Variants in TCHP observed in about 807,000 individuals in gnomAD.
TCHP encodes the protein trichoplein keratin filament-binding protein.
A neutral mutation model predicts 88.7 loss-of-function variants in TCHP; 81 were observed. The ratio of observed to expected loss-of-function variants is 0.91; its 90% CI spans 0.76 to 1.10. The LOEUF (loss-of-function observed/expected upper bound fraction) is 1.10, where lower values mean the gene tolerates loss of function less well. Ranked by LOEUF, TCHP falls within the 50% of genes least tolerant of loss-of-function variation. TCHP has a pLI of 0.00. For synonymous variants in TCHP, 232 were observed against 232.5 expected (o/e 1.00, Z 0.02); for missense variants, 641 against 632.1 (o/e 1.01, Z -0.15).
In TCHP at chr12:109,903,159, G is replaced by A. The variant is rs1020749391; in HGVS notation, c.133G>A (p.Asp45Asn). The part of the protein sequence containing the change: ...EQNSRYFRMS[D>N]ICSSKQAEWS... ...GAACAGCCGTTACTTCAGGATGTCT[G>A]ACATCTGCAGCTCCAAACAGGCAGA... The change falls in exon 2 of 13, where the codon GAC (aspartate) becomes AAC (asparagine). Residue 45 changes from aspartate to asparagine, a missense_variant. By Grantham distance (23) the Asp-to-Asn change is conservative. Coordinates refer to ENST00000405876, the MANE Select transcript of TCHP (RefSeq NM_001143852.2). The surrounding 1 kb of genome is among the most constrained non-coding windows in gnomAD (Gnocchi z 4.6). The A allele has an allele frequency of 4.3e-6, 7 of 1,613,854 alleles. No homozygotes were observed. In the African/African-American group the frequency reaches 8.0e-5, roughly 18 times the overall value.
chr12:109,904,682 T>C (rs1379388966), intron 3 of TCHP, 55 bp from the exon 4 acceptor site: 14 of 1,558,514 alleles, frequency 9.0e-6, no homozygotes, highest in East Asian at 6.7e-5. Context: ...TCATCCAAAA[T>C]GTGAATGGAT....
At position 109,914,566 on chromosome 12, in the gene TCHP, G is replaced by C; in HGVS notation, c.1259G>C (p.Arg420Pro). 6.2e-7 allele frequency: 1 copy of C among 1,613,790 alleles called. No individual in the cohort carries two copies. The highest frequency in any genetic ancestry group is 8.5e-7 in the Non-Finnish European group (1 of 1,179,988). Residue 420 changes from arginine (R) to proline (P), a missense_variant, in exon 11 of 13, where the codon CGT becomes CCT. Physicochemically the swap from Arg to Pro is moderately radical, Grantham distance 103 (BLOSUM62 -2). Transcript: ENST00000405876. ...CTTGAGGAGGTGAGAGAGTTGGCTC[G>C]TCGCGAGAAAGAGGAGAGTGAAAAG... is the stretch of plus-strand genomic sequence containing the variant. The part of the protein sequence containing the change: ...RNLEEVRELA[R>P]REKEESEKLK...
chr12:109,899,428 A>T (rs1490524176), upstream of TCHP, among the ~76,000 whole-genome samples: 1 of 152,140 alleles, frequency 6.6e-6, no homozygotes, highest in Non-Finnish European at 1.5e-5. Flanking sequence ...TCACGAGGTC[A>T]GGAGATCGAG....
the TCHP span, among the ~76,000 whole-genome samples, chr12:109,892,490 G>A: frequency 6.6e-6 from 1 of 152,180 alleles, no homozygotes; most frequent in East Asian, 1.9e-4. Context: ...AGGGAAATGG[G>A]GAGCCATGGA....
chr12:109,887,361 G>T, the TCHP span, among the ~76,000 whole-genome samples: 1 of 148,074 alleles, frequency 6.8e-6, no homozygotes, highest in African/African-American at 2.6e-5. Context: ...GGCAGAGGTT[G>T]CAGTGAGCCG....
chr12:109,912,920 T>A, intron 9 of TCHP, 71 bp from the exon 10 acceptor site: 2 of 1,318,658 alleles, frequency 1.5e-6, no homozygotes, highest in Non-Finnish European at 2.2e-6. Flanking sequence ...CCTGCAGCCC[T>A]GTCTGTTCCG....
At position 109,908,884 on chromosome 12, in the gene TCHP, C is replaced by T; in HGVS notation, c.826C>T (p.His276Tyr). ...ATTCTCCTTCAGGCGTTTCTTGAGA[C>T]ATCAGTATAACGCTCAACTCAGCAG... Reference protein sequence around the residue: ...QKAELGRFLRHQYNAQLSRRT... With the variant: ...QKAELGRFLRYQYNAQLSRRT... The change falls in exon 8 of 13, where the codon CAT (histidine) becomes TAT (tyrosine). Residue 276 changes from histidine to tyrosine, a missense_variant. Transcript: ENST00000405876. The T allele has an allele frequency of 6.2e-7, 1 of 1,614,202 alleles. No individual in the cohort carries two copies. The highest frequency in any genetic ancestry group is 1.7e-5 in the Admixed American group (1 of 60,014).
At chr12:109,912,934 C>A in intron 9 of TCHP, 57 bp from the exon 10 acceptor site, 1 of 1,499,144 alleles carries the variant, frequency 6.7e-7, no homozygotes, top group Non-Finnish European at 9.3e-7. Flanking sequence ...TGTTCCGTAG[C>A]TCGCTTCCTG....
chr12:109,904,850 C>T, intron 4 of TCHP, 57 bp downstream of exon 4: 1 of 1,528,900 alleles, frequency 6.5e-7, no homozygotes, highest in Non-Finnish European at 9.0e-7. Context: ...TGTTTCCAGA[C>T]ACTTTTTTTT....
At chr12:109,889,283 C>T in the TCHP span, among the ~76,000 whole-genome samples, 1 of 152,126 alleles carries the variant, frequency 6.6e-6, no homozygotes, top group African/African-American at 2.4e-5. Flanking sequence ...ACCATCCTGG[C>T]TAACACGGTG....
the TCHP span, among the ~76,000 whole-genome samples, chr12:109,893,212 T>A: frequency 6.6e-6 from 1 of 152,008 alleles, no homozygotes; most frequent in Non-Finnish European, 1.5e-5. Flanking sequence ...AAACATGGTC[T>A]CTACTAAAAA....
At chr12:109,900,210 G>C (rs1419788574), upstream of TCHP, 1 of 152,272 alleles carries the variant, frequency 6.6e-6, no homozygotes, top group Non-Finnish European at 1.5e-5. Flanking sequence ...TGGCCACGAC[G>C]GGGCACCAGA....
At chr12:109,883,906 G>T in the TCHP span, among the ~76,000 whole-genome samples, 1 of 152,168 alleles carries the variant, frequency 6.6e-6, no homozygotes, top group Non-Finnish European at 1.5e-5. Context: ...GCCTAGGGTG[G>T]ATTTTTGCTT....
At chr12:109,898,220 T>C (rs973524817), upstream of TCHP, among the ~76,000 whole-genome samples, 2 of 152,150 alleles carry the variant, frequency 1.3e-5, no homozygotes, top group African/African-American at 2.4e-5. Context: ...TGTTTTGCTT[T>C]GTTTTTTGAG....
intron 8 of TCHP, among the ~76,000 whole-genome samples, chr12:109,910,748 A>G (rs893851044): frequency 1.3e-5 from 2 of 152,156 alleles, no homozygotes; most frequent in Admixed American, 6.5e-5. Context: ...CTTTGTTCTT[A>G]TAAGTGGGAT....
chr12:109,909,023 G>C, intron 8 of TCHP, 86 bp downstream of exon 8: 2 of 1,287,142 alleles, frequency 1.6e-6, no homozygotes, highest in Non-Finnish European at 2.2e-6. Flanking sequence ...GTGCATTCTC[G>C]TAAGAATGAA....
chr12:109,914,028 G>A (rs944621657), intron 10 of TCHP, among the ~76,000 whole-genome samples: 4 of 152,130 alleles, frequency 2.6e-5, no homozygotes, highest in African/African-American at 7.2e-5. Context: ...AAAGGTTAGA[G>A]GACCACCCCA....
chr12:109,894,385 G>A, the TCHP span, among the ~76,000 whole-genome samples: 1,037 of 151,200 alleles, frequency 6.9e-3, 1 homozygote, highest in Non-Finnish European at 9.6e-3. Flanking sequence ...GTGTGAACCC[G>A]GGAAGCCGAG....
chr12:109,895,016 A>G, the TCHP span, among the ~76,000 whole-genome samples: 1 of 151,786 alleles, frequency 6.6e-6, no homozygotes, highest in East Asian at 1.9e-4. Context: ...TAAGACAGAT[A>G]CCTGGGTTGA....
Sources: allele counts gnomAD v4.1 joint callset (sites outside exome capture counted in the v4.1 genomes callset), GRCh38; gene constraint gnomAD v4.1.1; non-coding constraint Gnocchi (gnomAD v3.1); transcripts MANE v1.5; gene names NCBI Gene and HGNC (gene_info 2026-07-23, HGNC 2026-07-21).